The following SNTG1 variants were observed in gnomAD, a reference collection of about 807,000 sequenced individuals.
SNTG1 encodes the protein syntrophin gamma 1.
SNTG1 carries 39 observed loss-of-function variants against 74.7 expected under a neutral mutation model. The ratio of observed to expected loss-of-function variants is 0.52; its 90% CI spans 0.40 to 0.68. The LOEUF (loss-of-function observed/expected upper bound fraction) is 0.68, where lower values mean the gene tolerates loss of function less well. SNTG1 is among the 30% of genes least tolerant of loss of function. SNTG1 has a pLI of 0.00. For synonymous variants in SNTG1, 254 were observed against 217.1 expected, an observed-to-expected ratio of 1.17 and a Z score of -1.49; for missense variants, 685 against 609.5, an observed-to-expected ratio of 1.12 and a Z score of -1.30.
intron 2 of SNTG1, among the ~76,000 whole-genome samples, chr8:50,285,915 T>A (rs905349573): frequency 6.6e-5 from 10 of 152,296 alleles, no homozygotes; most frequent in African/African-American, 2.4e-4. Flanking sequence ...TGTTGTTTTC[T>A]AAGTAAATTT....
In SNTG1 at chr8:49,977,052, G is replaced by A. The variant is rs1563421415; in HGVS notation, c.-103+64821G>A. On this transcript the variant is annotated intron_variant, in intron 1 of 18. Coordinates refer to ENST00000642720, the MANE Select transcript of SNTG1 (RefSeq NM_018967.5). ...ATTCCATGTTTTAATAATGAGGTGTGGGAAGGCACAGTCATTGCAACTCAA... is the reference window on the plus strand; with the variant it reads ...ATTCCATGTTTTAATAATGAGGTGTAGGAAGGCACAGTCATTGCAACTCAA... Among the ~76,000 whole-genome samples the A allele has an allele frequency of 2.0e-5, 3 of 152,214 alleles. No individual in the cohort carries two copies. In the East Asian group the frequency reaches 5.8e-4, roughly 29 times the overall value.
intron 15 of SNTG1, among the ~76,000 whole-genome samples, chr8:50,694,364 T>C (rs950757159): frequency 6.6e-6 from 1 of 151,852 alleles, no homozygotes; most frequent in Non-Finnish European, 1.5e-5. Context: ...CTGGGACACA[T>C]ACAACCTACT....
At chr8:50,724,857 A>G (rs1219304022) in intron 17 of SNTG1, among the ~76,000 whole-genome samples, 1 of 152,216 alleles carries the variant, frequency 6.6e-6, no homozygotes, top group Non-Finnish European at 1.5e-5. Flanking sequence ...TCAAAATAAT[A>G]GAGATAGTTT....
chr8:50,621,635 C>T (rs924512614), intron 13 of SNTG1, among the ~76,000 whole-genome samples: 4 of 152,118 alleles, frequency 2.6e-5, no homozygotes, highest in Admixed American at 6.5e-5. Context: ...ATTTGTAATT[C>T]CTCAGCCTGA....
At chr8:50,711,999 A>G (rs537849218) in intron 17 of SNTG1, among the ~76,000 whole-genome samples, 1 of 152,346 alleles carries the variant, frequency 6.6e-6, no homozygotes, top group Non-Finnish European at 1.5e-5. Flanking sequence ...TATTCTTTTA[A>G]AAATGTATAT....
intron 1 of SNTG1, among the ~76,000 whole-genome samples, chr8:50,102,806 T>G (rs113371539): frequency 6.6e-6 from 1 of 150,542 alleles, no homozygotes; most frequent in Non-Finnish European, 1.5e-5. Context: ...GCCCCATTTA[T>G]TAAATAGGGA....
chr8:50,387,530 T>A (rs1687555228), intron 2 of SNTG1, among the ~76,000 whole-genome samples: 2 of 152,120 alleles, frequency 1.3e-5, no homozygotes. Context: ...CCAAGTCAAC[T>A]AAACAAACTG....
chr8:50,457,337 C>T (rs540132784), intron 8 of SNTG1, among the ~76,000 whole-genome samples: 2 of 152,154 alleles, frequency 1.3e-5, no homozygotes, highest in East Asian at 3.9e-4. Flanking sequence ...TCCACACTGG[C>T]TCAGCGATGG....
At chr8:50,552,302 C>G (rs542084803) in intron 11 of SNTG1, among the ~76,000 whole-genome samples, 2 of 152,244 alleles carry the variant, frequency 1.3e-5, no homozygotes, top group East Asian at 3.9e-4. Context: ...ATATGAAACA[C>G]TTTTAAATTC....
chr8:50,550,583 G>A (rs1360099400), intron 11 of SNTG1, among the ~76,000 whole-genome samples: 1 of 152,052 alleles, frequency 6.6e-6, no homozygotes, highest in Non-Finnish European at 1.5e-5. Context: ...TACTGCCAGA[G>A]CAGTTACCAA....
At chr8:50,268,802 A>T (rs1392836779) in intron 2 of SNTG1, among the ~76,000 whole-genome samples, 1 of 151,944 alleles carries the variant, frequency 6.6e-6, no homozygotes, top group Non-Finnish European at 1.5e-5. Flanking sequence ...AATTACAGGC[A>T]CACACCACCA....
At chr8:50,387,602 A>T (rs1465683447) in intron 2 of SNTG1, among the ~76,000 whole-genome samples, 2 of 152,180 alleles carry the variant, frequency 1.3e-5, no homozygotes, top group Non-Finnish European at 2.9e-5. Flanking sequence ...GGGCAATATC[A>T]ATCAATTTGA....
chr8:50,272,773 G>A (rs1329740834), intron 2 of SNTG1, among the ~76,000 whole-genome samples: 1 of 151,968 alleles, frequency 6.6e-6, no homozygotes, highest in Non-Finnish European at 1.5e-5. Flanking sequence ...GTCTTTCTCT[G>A]TTGCCCAGGC....
intron 2 of SNTG1, among the ~76,000 whole-genome samples, chr8:50,237,441 T>A (rs2085965098): frequency 6.6e-6 from 1 of 152,188 alleles, no homozygotes; most frequent in African/African-American, 2.4e-5. Context: ...TTCATTAGAT[T>A]TCTTATTTCA....
At chr8:50,020,620 G>A (rs554931795) in intron 1 of SNTG1, among the ~76,000 whole-genome samples, 1 of 151,996 alleles carries the variant, frequency 6.6e-6, no homozygotes, top group South Asian at 2.1e-4. Flanking sequence ...TTGTTTGATT[G>A]GTTTTGATAC....
chr8:50,689,689 G>A (rs895662222), intron 15 of SNTG1, among the ~76,000 whole-genome samples: 5 of 152,170 alleles, frequency 3.3e-5, no homozygotes, highest in Non-Finnish European at 5.9e-5. Context: ...TGTTCATCAA[G>A]GATATTGGTC....
chr8:50,291,413 G>A (rs910264305), intron 2 of SNTG1, among the ~76,000 whole-genome samples: 1 of 152,022 alleles, frequency 6.6e-6, no homozygotes, highest in African/African-American at 2.4e-5. Flanking sequence ...TGAATCAAGT[G>A]GGGTAACTAT....
chr8:50,386,919 C>A (rs1323490173), intron 2 of SNTG1, among the ~76,000 whole-genome samples: 8 of 152,130 alleles, frequency 5.3e-5, no homozygotes, highest in Non-Finnish European at 1.2e-4. Flanking sequence ...GCAAGGGGCT[C>A]TGGTTCTACA....
At chr8:50,371,283 G>A (rs144768063) in intron 2 of SNTG1, among the ~76,000 whole-genome samples, 1 of 152,304 alleles carries the variant, frequency 6.6e-6, no homozygotes, top group African/African-American at 2.4e-5. Flanking sequence ...ATAAAGTCGG[G>A]TGTGCACAGC....
Sources: gnomAD v4.1 joint callset for allele counts (sites outside exome capture counted in the v4.1 genomes callset) on GRCh38, gnomAD v4.1.1 for gene constraint, MANE v1.5 for transcripts, NCBI Gene and HGNC (gene_info 2026-07-23, HGNC 2026-07-21) for gene names.